The following EMP2 variants were observed in gnomAD, a reference collection of about 807,000 sequenced individuals.
EMP2 encodes epithelial membrane protein 2.
Under a neutral mutation model 13.7 loss-of-function variants are expected in EMP2, and 19 were observed. The observed-to-expected ratio is 1.38, with a 90% CI of 0.97 to 2.03. The LOEUF is 2.03. Ranked by LOEUF, EMP2 falls within the 30% of genes most tolerant of loss-of-function variation. The pLI, the probability that EMP2 is intolerant of heterozygous loss-of-function variation, is 0.00. For missense variants in EMP2, 253 were observed against 220.7 expected (o/e 1.15, Z -0.93); for synonymous variants, 97 against 84.7 (o/e 1.15, Z -0.80).
rs878927571 is a variant in EMP2 at position 10,532,758 on chromosome 16, C to CTT, written c.*145_*146dup. ...CTTTTGGATTTTTTTTTTCTTTTTT[C>CTT]TTTTTTTTTTTTTTTTTTTTTTTTT... On this transcript the variant is annotated 3_prime_UTR_variant, in exon 5 of 5. Coordinates refer to ENST00000359543, the MANE Select transcript of EMP2 (RefSeq NM_001424.6). The CTT allele has an allele frequency of 8.1e-5, 15 of 184,842 alleles. No individual in the cohort carries two copies. The highest frequency in any genetic ancestry group is 1.7e-4 in the South Asian group (1 of 5,900). The allele number at this position is 184,842 out of a possible 1,614,324, so 11.5% of individuals were successfully genotyped here. A position where few individuals can be genotyped will look rare whatever the true frequency, so the allele number is the denominator to read the frequency against.
At chr16:10,579,739 C>CACACACACACACA in intron 1 of EMP2, among the ~76,000 whole-genome samples, 1 of 145,860 alleles carries the variant, frequency 6.9e-6, no homozygotes, top group East Asian at 2.0e-4. Flanking sequence ...CACACACACA[C>CACACACACACACA]CCTCAAAGCT....
At chr16:10,573,942 T>A (rs974902850) in intron 1 of EMP2, among the ~76,000 whole-genome samples, 11 of 141,358 alleles carry the variant, frequency 7.8e-5, no homozygotes, top group South Asian at 2.5e-4. Context: ...TTTTTTTTTT[T>A]TTTTTTTTTT....
intron 1 of EMP2, among the ~76,000 whole-genome samples, chr16:10,548,277 TC>T (rs2050755389): frequency 6.6e-6 from 1 of 152,150 alleles, no homozygotes; most frequent in African/African-American, 2.4e-5. Flanking sequence ...AAGATGCTGT[TC>T]CTGATTCCCC....
intron 1 of EMP2, among the ~76,000 whole-genome samples, chr16:10,551,834 C>T (rs1317209693): frequency 4.6e-5 from 7 of 152,176 alleles, no homozygotes; most frequent in Admixed American, 3.9e-4. Flanking sequence ...CATGCTCATT[C>T]TCATCCCCAT....
intron 1 of EMP2, among the ~76,000 whole-genome samples, chr16:10,572,586 T>C (rs1193498522): frequency 1.3e-5 from 2 of 152,152 alleles, no homozygotes; most frequent in African/African-American, 4.8e-5. Context: ...AATATTAGAA[T>C]GAACACGTGA....
intron 1 of EMP2, among the ~76,000 whole-genome samples, chr16:10,561,351 C>G (rs1484646899): frequency 5.3e-5 from 8 of 152,098 alleles, no homozygotes; most frequent in Non-Finnish European, 1.5e-5. Flanking sequence ...CGGGCTAGAA[C>G]CAGGAATCCT....
chr16:10,546,317 A>C (rs1212778676), intron 2 of EMP2: 1 of 152,226 alleles, frequency 6.6e-6, no homozygotes, highest in Non-Finnish European at 1.5e-5. Context: ...GTCTAAAATG[A>C]GCAGGATGGA....
At chr16:10,573,383 G>A (rs2050960987) in intron 1 of EMP2, among the ~76,000 whole-genome samples, 1 of 152,102 alleles carries the variant, frequency 6.6e-6, no homozygotes, top group Non-Finnish European at 1.5e-5. Context: ...CATCCAGACT[G>A]GAAACACATT....
intron 1 of EMP2, among the ~76,000 whole-genome samples, chr16:10,562,067 C>A (rs372677214): frequency 6.6e-6 from 1 of 152,158 alleles, no homozygotes; most frequent in Admixed American, 6.5e-5. Flanking sequence ...CCACCTCATT[C>A]TGTGAGGCCA....
chr16:10,553,214 G>A (rs2050801167), intron 1 of EMP2, among the ~76,000 whole-genome samples: 1 of 152,182 alleles, frequency 6.6e-6, no homozygotes, highest in Non-Finnish European at 1.5e-5. Flanking sequence ...TCTCCCTTCT[G>A]CGCCACTATT....
intron 1 of EMP2, among the ~76,000 whole-genome samples, chr16:10,557,983 G>A (rs1327022572): frequency 6.6e-6 from 1 of 151,780 alleles, no homozygotes; most frequent in Non-Finnish European, 1.5e-5. Context: ...GTGGCGTTAT[G>A]GAAATTCTGC....
At chr16:10,564,600 A>G (rs983246428) in intron 1 of EMP2, among the ~76,000 whole-genome samples, 1 of 151,960 alleles carries the variant, frequency 6.6e-6, no homozygotes, top group Admixed American at 6.6e-5. Context: ...CTCATTATCA[A>G]TCATCACCAG....
intron 1 of EMP2, among the ~76,000 whole-genome samples, chr16:10,551,097 G>A (rs911960613): frequency 2.6e-5 from 4 of 152,006 alleles, no homozygotes; most frequent in Admixed American, 2.0e-4. Context: ...GTTCTAGAAC[G>A]TTTCATCACC....
At chr16:10,567,301 T>C (rs1318942360) in intron 1 of EMP2, among the ~76,000 whole-genome samples, 1 of 152,156 alleles carries the variant, frequency 6.6e-6, no homozygotes, top group African/African-American at 2.4e-5. Flanking sequence ...TTCAAGAGTG[T>C]TTTCCTCCCC....
At chr16:10,579,298 T>C (rs538697944) in intron 1 of EMP2, among the ~76,000 whole-genome samples, 13 of 152,274 alleles carry the variant, frequency 8.5e-5, no homozygotes, top group Non-Finnish European at 1.6e-4. Flanking sequence ...CAATAATGTG[T>C]CGGTTCTTAG....
rs377388076 is a variant in EMP2 at position 10,543,140 on chromosome 16, C to A, written c.169+430G>T. Among the ~76,000 whole-genome samples, 191 of 152,304 alleles carry A rather than the reference C, an allele frequency of 1.3e-3. 1 individual carries two copies. Among genetic ancestry groups the A allele is most frequent in the African/African-American group, 4.3e-3 (178 of 41,568 alleles). ...GGATTACAGGCATGAGCCACTGAGC[C>A]CCGCCAGATCTCGGATTTCTTACTG... On this transcript the variant is annotated intron_variant, in intron 3 of 4. Coordinates refer to ENST00000359543, the MANE Select transcript of EMP2 (RefSeq NM_001424.6).
chr16:10,555,336 G>A (rs768889949), intron 1 of EMP2, among the ~76,000 whole-genome samples: 4 of 152,184 alleles, frequency 2.6e-5, no homozygotes, highest in South Asian at 2.1e-4. Context: ...TTCTTTAGGG[G>A]CCAAGCAGAA....
In EMP2 at chr16:10,535,363, T is replaced by C. The variant is rs192953223; in HGVS notation, c.317-2271A>G. On this transcript the variant is annotated intron_variant, in intron 4 of 4. Transcript: ENST00000359543. ...TGAAAATTTATATATATAAAATTCC[T>C]AAATACATATATTAGGGTAATCAAT... 3.8e-4 allele frequency among the ~76,000 whole-genome samples: 58 copies of C among 152,250 alleles called. 3 individuals are homozygous for C. Among genetic ancestry groups the C allele is most frequent in the Non-Finnish European group, 1.5e-5 (1 of 68,026 alleles).
rs1178529365 is a variant in EMP2, at chr16:10,528,658, G to C, written c.*4247C>G. ...ATGGACTATTTTAAAGGTACATTAA[G>C]TAGAAAGTTTCTAACTACCCTAAAG... On this transcript the variant is annotated 3_prime_UTR_variant, in exon 5 of 5. Transcript: ENST00000359543. The C allele has an allele frequency of 6.6e-6, 1 of 152,156 alleles. No homozygotes were observed. Among genetic ancestry groups the C allele is most frequent in the Non-Finnish European group, 1.5e-5 (1 of 68,008 alleles). The allele number at this position is 152,156 out of a possible 1,614,324, so 9.4% of individuals were successfully genotyped here.
Sources: gnomAD v4.1 joint callset for allele counts (sites outside exome capture counted in the v4.1 genomes callset) on GRCh38, gnomAD v4.1.1 for gene constraint, MANE v1.5 for transcripts, NCBI Gene and HGNC (gene_info 2026-07-23, HGNC 2026-07-21) for gene names.